The following NCKAP5L variants were observed in gnomAD, a reference collection of about 807,000 sequenced individuals.
NCKAP5L encodes nck-associated protein 5-like.
NCKAP5L carries 54 observed loss-of-function variants against 103.2 expected under a neutral mutation model. That is an observed-to-expected ratio of 0.52 (90% CI 0.42 to 0.66). The LOEUF (loss-of-function observed/expected upper bound fraction) is 0.66. NCKAP5L is among the 30% of genes least tolerant of loss of function. The probability of loss-of-function intolerance (pLI) is 0.00; values close to 1 mark genes in which losing one functional copy is unlikely to be tolerated. For synonymous variants in NCKAP5L, 762 were observed against 748.6 expected, an observed-to-expected ratio of 1.02 and a Z score of -0.29; for missense variants, 1,733 against 1,750.6, an observed-to-expected ratio of 0.99 and a Z score of 0.18.
At chr12:49,823,624 T>C (rs537031425) in intron 1 of NCKAP5L, among the ~76,000 whole-genome samples, 17 of 150,096 alleles carry the variant, frequency 1.1e-4, no homozygotes, top group African/African-American at 3.9e-4. Context: ...TGGGGTCTTC[T>C]CTCCTTTAAG....
In NCKAP5L at chr12:49,796,869, G is replaced by A; in HGVS notation, c.991C>T (p.Leu331Phe). 2 of 1,612,642 alleles carry A rather than the reference G, an allele frequency of 1.2e-6. No individual in the cohort carries two copies. The highest frequency in any genetic ancestry group is 8.5e-7 in the Non-Finnish European group (1 of 1,179,674). ...LARRQLNLGQ[L>F]LEDTESYLQA... ...AGGTAAGACTCTGTGTCCTCAAGGAGCTGGCCCAGGTTCAACTGTCTGCGG... is the reference window on the plus strand; with the variant it reads ...AGGTAAGACTCTGTGTCCTCAAGGAACTGGCCCAGGTTCAACTGTCTGCGG... Residue 331 changes from leucine (L) to phenylalanine (F), a missense_variant, in exon 8 of 13, where the codon CTC becomes TTC. Coordinates refer to ENST00000335999, the MANE Select transcript of NCKAP5L (RefSeq NM_001037806.4).
At position 49,796,857 on chromosome 12, in the gene NCKAP5L, T is replaced by C. The variant is rs1946056153; in HGVS notation, c.1003A>G (p.Thr335Ala). ...QLNLGQLLED[T>A]ESYLQAFLAG... ...AGGAAGGCCTGTAGGTAAGACTCTGTGTCCTCAAGGAGCTGGCCCAGGTTC... is the reference window on the plus strand; with the variant it reads ...AGGAAGGCCTGTAGGTAAGACTCTGCGTCCTCAAGGAGCTGGCCCAGGTTC... The change falls in exon 8 of 13, where the codon ACA becomes GCA. Residue 335 changes from threonine (T) to alanine (A), a missense_variant. Physicochemically the swap from Thr to Ala is moderately conservative, Grantham distance 58 (BLOSUM62 0). Transcript: ENST00000335999. 6.2e-7 allele frequency: 1 copy of C among 1,612,864 alleles called. No homozygotes were observed. Among genetic ancestry groups the C allele is most frequent in the East Asian group, 2.2e-5 (1 of 44,864 alleles).
At position 49,797,888 on chromosome 12, in the gene NCKAP5L, T is replaced by C. The variant is rs1592750305; in HGVS notation, c.465+462A>G. 6.6e-6 allele frequency among the ~76,000 whole-genome samples: 1 copy of C among 151,884 alleles called. No individual in the cohort carries two copies. The highest frequency in any genetic ancestry group is 6.6e-5 in the Admixed American group (1 of 15,244). On this transcript the variant is annotated intron_variant, in intron 7 of 12. Coordinates refer to ENST00000335999, the MANE Select transcript of NCKAP5L (RefSeq NM_001037806.4). The surrounding 1 kb of genome is among the most constrained non-coding windows in gnomAD (Gnocchi z 4.5). ...TGACCTCATCCCCAGCAGAAAGGGG[T>C]TGGGGGTGACGCCATGCCCAGCCCT...
intron 1 of NCKAP5L, among the ~76,000 whole-genome samples, chr12:49,819,098 C>T (rs896776970): frequency 1.3e-4 from 20 of 151,308 alleles, no homozygotes; most frequent in Non-Finnish European, 2.4e-4. Context: ...TTTGGGAGGC[C>T]GAGGTGGGCA....
In NCKAP5L at chr12:49,795,059, C is replaced by A. The variant is rs745480422; in HGVS notation, c.2801G>T (p.Arg934Leu). The A allele has an allele frequency of 1.2e-6, 2 of 1,610,646 alleles. No individual in the cohort carries two copies. Among genetic ancestry groups the A allele is most frequent in the African/African-American group, 1.3e-5 (1 of 75,002 alleles). The change falls in exon 8 of 13, where the codon CGC becomes CTC. Residue 934 changes from arginine to leucine, a missense_variant. Physicochemically the swap from Arg to Leu is moderately radical, Grantham distance 102. Transcript: ENST00000335999. ...CTCCTTGTTCTTGGTGGCCTCTGTG[C>A]GGCGGTTCAGCGCTGGCAGCTTGCT... ...KKSKLPALNRRTEATKNKEGA... is the reference protein window; with the variant it reads ...KKSKLPALNRLTEATKNKEGA...
rs995687423 is a variant in NCKAP5L, at chr12:49,796,915, G to A, written c.945C>T (p.Asp315=). ...TGCGGGCCAGGGCACCGAGCAGGGT[G>A]TCGGGGCTGGGTGCCTCATTGGGGT... ...AGDPNEAPSP[D]TLLGALARRQ... Residue 315 remains aspartate, a synonymous_variant, in exon 8 of 13, where the codon GAC becomes GAT. Coordinates refer to ENST00000335999, the MANE Select transcript of NCKAP5L (RefSeq NM_001037806.4). 6.2e-7 allele frequency: 1 copy of A among 1,608,940 alleles called. No homozygotes were observed. The highest frequency in any genetic ancestry group is 8.5e-7 in the Non-Finnish European group (1 of 1,178,134).
intron 1 of NCKAP5L, among the ~76,000 whole-genome samples, chr12:49,814,752 C>G (rs1238257232): frequency 6.6e-6 from 1 of 152,126 alleles, no homozygotes; most frequent in African/African-American, 2.4e-5. Context: ...GAAACTATAG[C>G]CTTTATATGG....
chr12:49,792,402 T>G lies in NCKAP5L; in HGVS notation c.3792+44A>C. 6 of 1,607,696 alleles carry G rather than the reference T, an allele frequency of 3.7e-6. No homozygotes were observed. Among genetic ancestry groups the G allele is most frequent in the Non-Finnish European group, 5.1e-6 (6 of 1,177,226 alleles). On this transcript the variant is annotated intron_variant, in intron 12 of 12. Transcript: ENST00000335999. The surrounding 1 kb of genome is among the most constrained non-coding windows in gnomAD (Gnocchi z 4.5). ...AAACTGGTCTCCCCACATCACTCCCTCCTGCTCCCGAGTCCTTTCCCTTTC... is the reference window on the plus strand; with the variant it reads ...AAACTGGTCTCCCCACATCACTCCCGCCTGCTCCCGAGTCCTTTCCCTTTC...
chr12:49,801,114 C>T (rs1417792632), intron 6 of NCKAP5L, among the ~76,000 whole-genome samples: 1 of 152,192 alleles, frequency 6.6e-6, no homozygotes, highest in African/African-American at 2.4e-5. Context: ...GGGCTGGGGG[C>T]CAAGAGCTGC....
chr12:49,800,175 A>G (rs1052104195), intron 6 of NCKAP5L, among the ~76,000 whole-genome samples: 2 of 152,250 alleles, frequency 1.3e-5, no homozygotes, highest in Admixed American at 6.5e-5. Context: ...AGCCTGGGCA[A>G]CAAGAGTGAA....
chr12:49,791,765 G>C lies in NCKAP5L; in HGVS notation c.*74C>G. ...CTTCAGGGAGGGGTCCCCGTCTCCG[G>C]GGGCTGGGCATGAAGAGAGCCGGTC... is the stretch of plus-strand genomic sequence containing the variant. On this transcript the variant is annotated 3_prime_UTR_variant, in exon 13 of 13. Transcript: ENST00000335999. The C allele has an allele frequency of 7.3e-7, 1 of 1,361,240 alleles. No individual in the cohort carries two copies. The highest frequency in any genetic ancestry group is 9.8e-7 in the Non-Finnish European group (1 of 1,017,654). The allele number at this position is 1,361,240 out of a possible 1,614,324, so 84.3% of individuals were successfully genotyped here.
chr12:49,812,386 T>A (rs1214565342), intron 1 of NCKAP5L, among the ~76,000 whole-genome samples: 1 of 149,740 alleles, frequency 6.7e-6, no homozygotes, highest in African/African-American at 2.5e-5. Context: ...TTGGTTTTCA[T>A]CTTTTTTTTT....
Position 49,827,903 on chromosome 12 carries a change from C to A in NCKAP5L, c.-99+419G>T, listed in dbSNP as rs116995893. Among the ~76,000 whole-genome samples the A allele has an allele frequency of 8.9e-3, 1,353 of 152,348 alleles. 40 individuals carry two copies. The South Asian group carries it at 0.091, about 10-fold the overall frequency. Reference sequence around the variant, plus strand: ...CGCTTTGGGGAGAGAGCCCCTCCCCCCGCAATAACCCGGCACCGCTAAGCG... The same window carrying A: ...CGCTTTGGGGAGAGAGCCCCTCCCCACGCAATAACCCGGCACCGCTAAGCG... On this transcript the variant is annotated intron_variant, in intron 1 of 12. Coordinates refer to ENST00000335999, the MANE Select transcript of NCKAP5L (RefSeq NM_001037806.4).
In NCKAP5L at chr12:49,791,813, G is replaced by A. The variant is rs1474612840; in HGVS notation, c.*26C>T. 7 of 1,537,398 alleles carry A rather than the reference G, an allele frequency of 4.6e-6. No homozygotes were observed. The highest frequency in any genetic ancestry group is 1.4e-5 in the African/African-American group (1 of 73,050). On this transcript the variant is annotated 3_prime_UTR_variant, in exon 13 of 13. Transcript: ENST00000335999. ...GTCCAGTCTGTGGTCCCCAGCTCCA[G>A]CGGGGCCGTGGCGTGGCGCAGCCCC...
Position 49,792,023 on chromosome 12 carries a change from T to A in NCKAP5L, c.3821A>T (p.Gln1274Leu). 2.6e-6 allele frequency: 4 copies of A among 1,563,236 alleles called. No individual in the cohort carries two copies. Among genetic ancestry groups the A allele is most frequent in the Non-Finnish European group, 3.5e-6 (4 of 1,156,464 alleles). The change falls in exon 13 of 13, where the codon CAG (glutamine) becomes CTG (leucine). Residue 1274 changes from glutamine (Q) to leucine (L), a missense_variant. Physicochemically the swap from Gln to Leu is moderately radical, Grantham distance 113. Transcript: ENST00000335999. This position sits in a 1 kb window ranked among gnomAD's most constrained non-coding sequence, Gnocchi z 4.5. Reference protein sequence around the residue: ...MALPVDRKRSQEPSRPSPTPQ... With the variant: ...MALPVDRKRSLEPSRPSPTPQ... ...CGTAGGGGACGGGCGGCTGGGCTCC[T>A]GGCTTCGCTTCCGGTCCACGGGCAG...
Position 49,796,068 on chromosome 12 carries a change from G to C in NCKAP5L, c.1792C>G (p.Leu598Val), listed in dbSNP as rs1444619438. ...CTGGGGGGTACTCCAGGGCTTCTGA[G>C]GACCTCAGGGGCCTGTGGTACCTCC... ...TLEVPQAPEV[L>V]RSPGVPPSPC... The change falls in exon 8 of 13, where the codon CTC becomes GTC. Residue 598 changes from leucine (L) to valine (V), a missense_variant. By Grantham distance (32) the Leu-to-Val change is conservative. Coordinates refer to ENST00000335999, the MANE Select transcript of NCKAP5L (RefSeq NM_001037806.4). 2.5e-6 allele frequency: 4 copies of C among 1,585,154 alleles called. No homozygotes were observed. The African/African-American group carries it at 5.4e-5, about 21-fold the overall frequency.
chr12:49,795,523 C>T lies in NCKAP5L; in HGVS notation c.2337G>A (p.Lys779=), dbSNP rs973643487. Residue 779 remains lysine (K), a synonymous_variant, in exon 8 of 13, where the codon AAG becomes AAA. Transcript: ENST00000335999. ...RSCLTKVELA[K]SRLAGALCPQ... ...GGCACAGGGCCCCTGCCAGCCGGCT[C>T]TTGGCCAGCTCCACTTTGGTGAGGC... 3 of 1,532,668 alleles carry T rather than the reference C, an allele frequency of 2.0e-6. No individual in the cohort carries two copies. The highest frequency in any genetic ancestry group is 2.6e-6 in the Non-Finnish European group (3 of 1,144,246). The allele number at this position is 1,532,668 out of a possible 1,614,324, so 94.9% of individuals were successfully genotyped here.
At chr12:49,793,575 C>A in intron 9 of NCKAP5L, 142 bp from the exon 10 acceptor site, 2 of 1,229,282 alleles carry the variant, frequency 1.6e-6, no homozygotes, top group East Asian at 2.5e-5. Context: ...AGAGCCCCTG[C>A]AGACTGGGAA....
At chr12:49,820,352 T>C (rs1483644744) in intron 1 of NCKAP5L, among the ~76,000 whole-genome samples, 1 of 148,272 alleles carries the variant, frequency 6.7e-6, no homozygotes, top group Non-Finnish European at 1.5e-5. Flanking sequence ...AGTTTTGCTC[T>C]GTCGCCCAGG....
Sources: gnomAD v4.1 joint callset for allele counts (sites outside exome capture counted in the v4.1 genomes callset) on GRCh38, gnomAD v4.1.1 for gene constraint, Gnocchi (gnomAD v3.1) non-coding constraint, MANE v1.5 for transcripts, NCBI Gene and HGNC (gene_info 2026-07-23, HGNC 2026-07-21) for gene names.